The following FAM81B variants were observed in gnomAD, a reference collection of about 807,000 sequenced individuals.
FAM81B encodes family with sequence similarity 81 member B.
Under a neutral mutation model 58.7 loss-of-function variants are expected in FAM81B, and 60 were observed. The observed-to-expected ratio is 1.02, with a 90% CI of 0.83 to 1.27. The LOEUF (loss-of-function observed/expected upper bound fraction) is 1.27. Ranked by LOEUF, FAM81B falls within the 50% of genes most tolerant of loss-of-function variation. The pLI is 0.00. For missense variants in FAM81B, 491 were observed against 522.0 expected, an observed-to-expected ratio of 0.94 and a Z score of 0.58; for synonymous variants, 189 against 179.6, an observed-to-expected ratio of 1.05 and a Z score of -0.42.
intron 4 of FAM81B, among the ~76,000 whole-genome samples, chr5:95,418,181 T>C (rs1486036477): frequency 1.3e-5 from 2 of 152,202 alleles, no homozygotes; most frequent in African/African-American, 4.8e-5. Flanking sequence ...ATTCACACTG[T>C]CAATACTCTC....
At chr5:95,421,981 G>T (rs1762697776) in intron 5 of FAM81B, among the ~76,000 whole-genome samples, 7 of 152,130 alleles carry the variant, frequency 4.6e-5, no homozygotes, top group Admixed American at 4.6e-4. Flanking sequence ...AAGAGAAACA[G>T]AGTAATAAAA....
chr5:95,441,502 G>A (rs1339036281), intron 7 of FAM81B, among the ~76,000 whole-genome samples: 2 of 152,016 alleles, frequency 1.3e-5, no homozygotes, highest in East Asian at 3.9e-4. Context: ...CCGGGAGGTG[G>A]AGGTTGCAGT....
intron 2 of FAM81B, among the ~76,000 whole-genome samples, chr5:95,395,397 T>G (rs1409787544): frequency 2.1e-5 from 3 of 141,808 alleles, no homozygotes; most frequent in Non-Finnish European, 4.5e-5. Context: ...GAGTGGAGAT[T>G]GCGCCACTGC....
chr5:95,424,123 T>G, intron 5 of FAM81B: 1 of 1,289,828 alleles, frequency 7.8e-7, no homozygotes, highest in Non-Finnish European at 1.0e-6. Flanking sequence ...GAGAGAGATT[T>G]GATACTGCAA....
rs1223731480 is a variant in FAM81B, at chr5:95,391,512, A to C, written c.123A>C (p.Ser41=). ...NKAGKASIMS[S]DTNVNKSASP... is the part of the protein sequence containing the mutation. ...CTGGAAAAGCAAGCATCATGAGTTC[A>C]GGTACTTATGGACTATTCGAGGTCT... The change falls in exon 1 of 10, where the codon TCA becomes TCC. Residue 41 remains serine, a splice_region_variant and synonymous_variant. Transcript: ENST00000283357. The C allele has an allele frequency of 1.2e-6, 2 of 1,612,710 alleles. No individual in the cohort carries two copies.
At chr5:95,434,463 A>G (rs1481636606) in intron 6 of FAM81B, among the ~76,000 whole-genome samples, 1 of 152,200 alleles carries the variant, frequency 6.6e-6, no homozygotes, top group Admixed American at 6.5e-5. Flanking sequence ...CACCAGCTGG[A>G]AAAACTTCTC....
chr5:95,424,295 T>C (rs1425672883), intron 5 of FAM81B: 4 of 1,149,740 alleles, frequency 3.5e-6, no homozygotes, highest in Non-Finnish European at 4.6e-6. Flanking sequence ...GACAGATAGA[T>C]GATAGACAGA....
chr5:95,405,297 C>T (rs1012986402), intron 3 of FAM81B, among the ~76,000 whole-genome samples: 8 of 152,158 alleles, frequency 5.3e-5, no homozygotes, highest in Non-Finnish European at 1.2e-4. Flanking sequence ...AGTTTCAAAT[C>T]GTGACCCTGA....
chr5:95,428,626 T>A lies in FAM81B; in HGVS notation c.680T>A (p.Leu227His). Residue 227 changes from leucine (L) to histidine (H), a missense_variant, in exon 6 of 10, where the codon CTT becomes CAT. By Grantham distance (99) the Leu-to-His change is moderately conservative. Coordinates refer to ENST00000283357, the MANE Select transcript of FAM81B (RefSeq NM_152548.3). ...AGATGTGATTCAAGCATTGTGAAGC[T>A]TTCTGGAGACATTCACTTATTCAGG... ...VARCDSSIVK[L>H]SGDIHLFRQE... 1 of 1,614,018 alleles carries A rather than the reference T, an allele frequency of 6.2e-7. No individual in the cohort carries two copies. Among genetic ancestry groups the A allele is most frequent in the Non-Finnish European group, 8.5e-7 (1 of 1,179,862 alleles).
intron 5 of FAM81B, among the ~76,000 whole-genome samples, chr5:95,426,979 G>A (rs192301169): frequency 5.3e-5 from 8 of 152,248 alleles, no homozygotes; most frequent in Admixed American, 1.3e-4. Context: ...AACCTGGGAG[G>A]CGGAGCTTGC....
chr5:95,430,730 T>C (rs1744845758), intron 6 of FAM81B, among the ~76,000 whole-genome samples: 1 of 152,060 alleles, frequency 6.6e-6, no homozygotes, highest in South Asian at 2.1e-4. Context: ...CAGAGAGAAT[T>C]AAGCAGAGAG....
intron 7 of FAM81B, 63 bp downstream of exon 7, chr5:95,436,969 G>A: frequency 7.8e-7 from 1 of 1,277,500 alleles, no homozygotes; most frequent in South Asian, 1.2e-5. Flanking sequence ...CCTAATGAAA[G>A]CATTGGCATG....
intron 8 of FAM81B, among the ~76,000 whole-genome samples, chr5:95,447,672 TA>T (rs1431970675): frequency 6.6e-6 from 1 of 152,212 alleles, no homozygotes; most frequent in Non-Finnish European, 1.5e-5. Flanking sequence ...AAAAGGGTCA[TA>T]CCTGCCATGC....
intron 3 of FAM81B, among the ~76,000 whole-genome samples, chr5:95,408,112 GGAGGGA>G (rs1762312887): frequency 6.7e-6 from 1 of 148,800 alleles, no homozygotes; most frequent in African/African-American, 2.5e-5. Flanking sequence ...GAGAGAGAGA[GGAGGGA>G]AGGAGGGAGG....
At position 95,391,393 on chromosome 5, in the gene FAM81B, C is replaced by G; in HGVS notation, c.4C>G (p.Gln2Glu). The change falls in exon 1 of 10, where the codon CAA becomes GAA. Residue 2 changes from glutamine to glutamate, a missense_variant. Transcript: ENST00000283357. M[Q>E]LQFLGTLASS... ...AAACAGGAAGACCTTAGTTAGGATGCAATTACAATTCCTTGGTACATTGGC... is the reference window on the plus strand; with the variant it reads ...AAACAGGAAGACCTTAGTTAGGATGGAATTACAATTCCTTGGTACATTGGC... The G allele has an allele frequency of 1.9e-6, 3 of 1,612,254 alleles. No homozygotes were observed. Among genetic ancestry groups the G allele is most frequent in the Non-Finnish European group, 2.5e-6 (3 of 1,179,124 alleles).
intron 2 of FAM81B, among the ~76,000 whole-genome samples, chr5:95,395,485 T>C (rs923917044): frequency 6.7e-6 from 1 of 150,234 alleles, no homozygotes; most frequent in Non-Finnish European, 1.5e-5. Flanking sequence ...TTTTGAGATA[T>C]GAAAAACAGT....
intron 1 of FAM81B, among the ~76,000 whole-genome samples, chr5:95,392,261 C>G (rs762215602): frequency 1.3e-5 from 2 of 152,096 alleles, no homozygotes; most frequent in Non-Finnish European, 2.9e-5. Flanking sequence ...GAACGGAAAA[C>G]CAAACACCAC....
chr5:95,426,094 GTATATATATATATATA>G (rs57076025), intron 5 of FAM81B, among the ~76,000 whole-genome samples: 1 of 120,180 alleles, frequency 8.3e-6, no homozygotes, highest in African/African-American at 3.3e-5. Context: ...ATCTCTGTGT[GTATATATATATATATA>G]TATATATATA....
intron 7 of FAM81B, among the ~76,000 whole-genome samples, chr5:95,439,162 A>G (rs1375472979): frequency 6.8e-6 from 1 of 147,102 alleles, no homozygotes; most frequent in Admixed American, 6.8e-5. Flanking sequence ...CAAAAAAAGT[A>G]TTATGTGTAT....
Sources: allele counts gnomAD v4.1 joint callset (sites outside exome capture counted in the v4.1 genomes callset), GRCh38; gene constraint gnomAD v4.1.1; transcripts MANE v1.5; gene names NCBI Gene and HGNC (gene_info 2026-07-23, HGNC 2026-07-21).